The following DNER variants were observed in gnomAD, a reference collection of about 807,000 sequenced individuals.
DNER encodes the protein delta/notch like EGF repeat containing, also known as delta and Notch-like epidermal growth factor-related receptor.
DNER carries 33 observed loss-of-function variants against 78.2 expected under a neutral mutation model. The observed-to-expected ratio is 0.42, with a 90% CI of 0.32 to 0.56. The LOEUF is 0.56. DNER is among the 20% of genes least tolerant of loss of function. The pLI is 0.11. For synonymous variants in DNER, 417 were observed against 384.8 expected (o/e 1.08, Z -0.98); for missense variants, 918 against 975.3 (o/e 0.94, Z 0.78).
intron 1 of DNER, among the ~76,000 whole-genome samples, chr2:229,656,747 T>C (rs902949648): frequency 5.3e-5 from 8 of 152,188 alleles, no homozygotes; most frequent in Admixed American, 2.0e-4. Context: ...TTTCAGCAAA[T>C]GTGTTTTTGA....
In DNER at chr2:229,591,940, C is replaced by T; in HGVS notation, c.277-52G>A. The T allele has an allele frequency of 1.4e-6, 2 of 1,450,942 alleles. No individual in the cohort carries two copies. Among genetic ancestry groups the T allele is most frequent in the Non-Finnish European group, 1.8e-6 (2 of 1,105,718 alleles). 89.9% of individuals were successfully genotyped at this position (1,450,942 alleles called of 1,614,324 possible). A position where few individuals can be genotyped will look rare whatever the true frequency, so the allele number is the denominator to read the frequency against. ...TTATTCCCTCATAAGAAAAGTGGTG[C>T]CATCGCTGGGAAATTAGCTCTGTGT... On this transcript the variant is annotated intron_variant, in intron 1 of 12. Coordinates refer to ENST00000341772, the MANE Select transcript of DNER (RefSeq NM_139072.4). The surrounding 1 kb of genome is among the most constrained non-coding windows in gnomAD (Gnocchi z 4.6).
At chr2:229,497,463 A>T (rs1490183477) in intron 6 of DNER, among the ~76,000 whole-genome samples, 1 of 152,100 alleles carries the variant, frequency 6.6e-6, no homozygotes, top group Admixed American at 6.5e-5. Flanking sequence ...TAAATAAACT[A>T]GAAACTAGAA....
At chr2:229,462,943 G>A (rs111393149) in intron 7 of DNER, among the ~76,000 whole-genome samples, 26 of 152,196 alleles carry the variant, frequency 1.7e-4, no homozygotes, top group African/African-American at 5.3e-4. Context: ...TCCTCCTTAT[G>A]TCTTAATTTT....
intron 1 of DNER, among the ~76,000 whole-genome samples, chr2:229,682,229 T>C (rs1302933491): frequency 6.6e-6 from 1 of 152,178 alleles, no homozygotes; most frequent in African/African-American, 2.4e-5. Context: ...AACTCCAGTA[T>C]AAAATTCAGC....
chr2:229,709,665 T>C (rs947668497), intron 1 of DNER, among the ~76,000 whole-genome samples: 8 of 152,184 alleles, frequency 5.3e-5, no homozygotes, highest in Non-Finnish European at 1.2e-4. Context: ...AAATTTAACT[T>C]GCATGAAAAG....
In DNER at chr2:229,512,658, C is replaced by A. The variant is rs1269729576; in HGVS notation, c.1147+125G>T. The A allele has an allele frequency of 5.9e-6, 8 of 1,350,026 alleles. No individual in the cohort carries two copies. In the Admixed American group the frequency reaches 1.7e-4, roughly 29 times the overall value. The allele number at this position is 1,350,026 out of a possible 1,614,324, so 83.6% of individuals were successfully genotyped here. On this transcript the variant is annotated intron_variant, in intron 6 of 12. Transcript: ENST00000341772. ...GAGTGCACCAAAACCTCACAAATCA[C>A]CAAAAAGAACTTACTCATGTAACCA... is the stretch of plus-strand genomic sequence containing the variant.
chr2:229,542,079 G>T lies in DNER; in HGVS notation c.993+4868C>A, dbSNP rs1165308788. Among the ~76,000 whole-genome samples, 5 of 151,132 alleles carry T rather than the reference G, an allele frequency of 3.3e-5. No individual in the cohort carries two copies. In the Admixed American group the frequency reaches 3.3e-4, roughly 10 times the overall value. Reference sequence around the variant, plus strand: ...TTGACCTAGAGAGACATAGTCCATGGAATCTAATTTGGATCTAAAGAAGAA... The same window carrying T: ...TTGACCTAGAGAGACATAGTCCATGTAATCTAATTTGGATCTAAAGAAGAA... On this transcript the variant is annotated intron_variant, in intron 5 of 12. Transcript: ENST00000341772.
intron 6 of DNER, among the ~76,000 whole-genome samples, chr2:229,488,987 A>T (rs1231221556): frequency 6.6e-6 from 1 of 152,238 alleles, no homozygotes; most frequent in Non-Finnish European, 1.5e-5. Context: ...ATTGTGGCAC[A>T]TTGAATACCG....
chr2:229,550,442 G>A (rs753647262), intron 4 of DNER, among the ~76,000 whole-genome samples: 12 of 152,116 alleles, frequency 7.9e-5, no homozygotes, highest in Non-Finnish European at 1.3e-4. Flanking sequence ...TGACTTTGTG[G>A]TCACCTTCTC....
intron 3 of DNER, chr2:229,586,918 TGAG>T: frequency 1.0e-6 from 1 of 985,416 alleles, no homozygotes; most frequent in Non-Finnish European, 1.2e-6. Context: ...ACTAAATTCA[TGAG>T]GAAATGAAAG....
intron 1 of DNER, among the ~76,000 whole-genome samples, chr2:229,626,198 C>G (rs770147144): frequency 3.9e-5 from 6 of 152,154 alleles, no homozygotes; most frequent in Non-Finnish European, 7.3e-5. Flanking sequence ...GGATTACAGG[C>G]GTGAGCCACC....
intron 4 of DNER, among the ~76,000 whole-genome samples, chr2:229,554,915 GA>G (rs1696825039): frequency 1.4e-5 from 1 of 72,560 alleles, no homozygotes; most frequent in African/African-American, 5.1e-5. Flanking sequence ...GAGAAGAGAA[GA>G]GAAGAGAAGA....
In DNER at chr2:229,629,853, G is replaced by A. The variant is rs75207323; in HGVS notation, c.277-37965C>T. Among the ~76,000 whole-genome samples, 1,146 of 152,210 alleles carry A rather than the reference G, an allele frequency of 7.5e-3. 7 individuals are homozygous for A. Among genetic ancestry groups the A allele is most frequent in the Non-Finnish European group, 0.012 (849 of 68,010 alleles). On this transcript the variant is annotated intron_variant, in intron 1 of 12. Transcript: ENST00000341772. ...GGATCTTTAAAACAACATTTATTGT[G>A]GTTGCTTCTTGATCATATGCAGTAA...
chr2:229,621,812 G>A (rs1040310767), intron 1 of DNER, among the ~76,000 whole-genome samples: 6 of 152,288 alleles, frequency 3.9e-5, no homozygotes, highest in Admixed American at 3.3e-4. Flanking sequence ...AGGGCCGGGC[G>A]CAGTGGCTCA....
At chr2:229,374,662 C>T (rs900649910) in intron 11 of DNER, among the ~76,000 whole-genome samples, 7 of 152,160 alleles carry the variant, frequency 4.6e-5, no homozygotes, top group African/African-American at 1.7e-4. Context: ...GGGTTACACA[C>T]AGTAAGTGGC....
At chr2:229,668,613 G>GA (rs1357364394) in intron 1 of DNER, among the ~76,000 whole-genome samples, 1 of 131,110 alleles carries the variant, frequency 7.6e-6, no homozygotes, top group Non-Finnish European at 1.6e-5. Flanking sequence ...ACAAACATAT[G>GA]AAAAAAAGCT....
At chr2:229,664,971 A>C (rs543571551) in intron 1 of DNER, among the ~76,000 whole-genome samples, 12 of 152,370 alleles carry the variant, frequency 7.9e-5, no homozygotes, top group South Asian at 4.1e-4. Flanking sequence ...GAGAAGTAGA[A>C]TAGTCTCCCT....
intron 1 of DNER, among the ~76,000 whole-genome samples, chr2:229,616,764 G>C (rs1055222377): frequency 2.6e-5 from 4 of 152,164 alleles, no homozygotes; most frequent in Non-Finnish European, 5.9e-5. Flanking sequence ...AATACCCTGG[G>C]GTGATGCCAG....
At chr2:229,429,529 C>G (rs908155087) in intron 8 of DNER, among the ~76,000 whole-genome samples, 2 of 152,216 alleles carry the variant, frequency 1.3e-5, no homozygotes, top group Non-Finnish European at 2.9e-5. Flanking sequence ...TGTGTGGTCA[C>G]CTGGCCTGTG....
Sources: gnomAD v4.1 joint callset for allele counts (sites outside exome capture counted in the v4.1 genomes callset) on GRCh38, gnomAD v4.1.1 for gene constraint, Gnocchi (gnomAD v3.1) non-coding constraint, MANE v1.5 for transcripts, NCBI Gene and HGNC (gene_info 2026-07-23, HGNC 2026-07-21) for gene names.